Variants in CBLB observed in about 807,000 individuals in gnomAD.
CBLB encodes E3 ubiquitin-protein ligase CBL-B.
CBLB carries 31 observed loss-of-function variants against 104.9 expected under a neutral mutation model. The ratio of observed to expected loss-of-function variants is 0.30; its 90% CI spans 0.22 to 0.40. CBLB has a LOEUF of 0.40. CBLB is among the 10% of genes least tolerant of loss of function. The pLI, the probability that CBLB is intolerant of heterozygous loss-of-function variation, is 1.00. For synonymous variants in CBLB, 440 were observed against 422.6 expected, an observed-to-expected ratio of 1.04 and a Z score of -0.51; for missense variants, 1,062 against 1,214.6, an observed-to-expected ratio of 0.87 and a Z score of 1.87.
At chr3:105,859,235 TA>T (rs1248023317) in intron 2 of CBLB, among the ~76,000 whole-genome samples, 1 of 152,166 alleles carries the variant, frequency 6.6e-6, no homozygotes, top group Non-Finnish European at 1.5e-5. Context: ...ATTTCAACAG[TA>T]AGGAATTGTG....
intron 3 of CBLB, among the ~76,000 whole-genome samples, chr3:105,850,094 C>T (rs1319911253): frequency 3.3e-5 from 5 of 152,032 alleles, no homozygotes; most frequent in Admixed American, 6.6e-5. Context: ...ATTCACCACC[C>T]TCAAGATGAA....
chr3:105,764,850 G>T (rs1446744730), intron 4 of CBLB, among the ~76,000 whole-genome samples: 1 of 152,228 alleles, frequency 6.6e-6, no homozygotes, highest in Non-Finnish European at 1.5e-5. Context: ...CCTTACTGGT[G>T]ATATGGAGAA....
At chr3:105,843,577 T>C (rs2089847634) in intron 3 of CBLB, among the ~76,000 whole-genome samples, 2 of 152,282 alleles carry the variant, frequency 1.3e-5, no homozygotes, top group African/African-American at 2.4e-5. Flanking sequence ...TGGCACTTTA[T>C]ACATTAAAAT....
chr3:105,772,640 A>G (rs1041391403), intron 4 of CBLB, among the ~76,000 whole-genome samples: 1 of 152,222 alleles, frequency 6.6e-6, no homozygotes, highest in Non-Finnish European at 1.5e-5. Context: ...TAGTATCTAG[A>G]ATCTACAAGG....
At chr3:105,797,828 C>T (rs2082406758) in intron 3 of CBLB, among the ~76,000 whole-genome samples, 1 of 152,210 alleles carries the variant, frequency 6.6e-6, no homozygotes, top group South Asian at 2.1e-4. Context: ...ATTTCTCTTC[C>T]ATGAGCATCC....
chr3:105,708,242 TAACA>T (rs1303317145), intron 10 of CBLB, among the ~76,000 whole-genome samples: 5 of 152,040 alleles, frequency 3.3e-5, no homozygotes, highest in Admixed American at 2.6e-4. Context: ...AAAACAATAA[TAACA>T]AACAAACATA....
chr3:105,767,893 C>A (rs1404796181), intron 4 of CBLB, among the ~76,000 whole-genome samples: 1 of 152,140 alleles, frequency 6.6e-6, no homozygotes, highest in Non-Finnish European at 1.5e-5. Context: ...AGAACCTGTC[C>A]AGGGACAGAT....
chr3:105,664,647 T>A (rs977504222), intron 18 of CBLB, among the ~76,000 whole-genome samples: 9 of 152,158 alleles, frequency 5.9e-5, no homozygotes, highest in African/African-American at 2.2e-4. Context: ...CAAAATAGTC[T>A]CAGATCTCCT....
intron 2 of CBLB, among the ~76,000 whole-genome samples, chr3:105,854,813 A>G (rs1188808574): frequency 6.6e-6 from 1 of 151,928 alleles, no homozygotes; most frequent in Non-Finnish European, 1.5e-5. Context: ...TTATATTTTT[A>G]GTAGAGACGG....
chr3:105,686,139 G>C lies in CBLB; in HGVS notation c.2055-673C>G, dbSNP rs193032212. Among the ~76,000 whole-genome samples the C allele has an allele frequency of 1.5e-3, 235 of 152,268 alleles. 2 individuals carry two copies. Among genetic ancestry groups the C allele is most frequent in the South Asian group, 3.1e-3 (15 of 4,826 alleles). ...TGGCTAAATAAAAGAGAATTAAAAT[G>C]AGTAAAACCATCACCTAATATCAAA... On this transcript the variant is annotated intron_variant, in intron 13 of 18. Transcript: ENST00000394030.
At chr3:105,686,574 ATTAG>A (rs976273673) in intron 13 of CBLB, among the ~76,000 whole-genome samples, 1 of 152,068 alleles carries the variant, frequency 6.6e-6, no homozygotes, top group Non-Finnish European at 1.5e-5. Flanking sequence ...ATTTCTTTTT[ATTAG>A]TTAGAACAGA....
chr3:105,765,413 C>T (rs2078112451), intron 4 of CBLB, among the ~76,000 whole-genome samples: 1 of 152,128 alleles, frequency 6.6e-6, no homozygotes, highest in East Asian at 1.9e-4. Context: ...AGATGTTTGG[C>T]CATCTGTAAA....
At chr3:105,779,044 T>C (rs918412553) in intron 3 of CBLB, among the ~76,000 whole-genome samples, 2 of 152,186 alleles carry the variant, frequency 1.3e-5, no homozygotes, top group African/African-American at 2.4e-5. Flanking sequence ...AATTGATACA[T>C]ACAAAAGAAA....
chr3:105,663,950 T>A (rs1444805275), intron 18 of CBLB, among the ~76,000 whole-genome samples: 2 of 147,466 alleles, frequency 1.4e-5, no homozygotes, highest in Non-Finnish European at 3.0e-5. Context: ...CAGACCATAT[T>A]TTTTTTTTTT....
chr3:105,660,076 G>C (rs1405995335), intron 18 of CBLB, among the ~76,000 whole-genome samples: 1 of 152,066 alleles, frequency 6.6e-6, no homozygotes, highest in Admixed American at 6.6e-5. Flanking sequence ...AAAAAGAAAA[G>C]GTCCCAGGTC....
intron 10 of CBLB, among the ~76,000 whole-genome samples, chr3:105,707,641 G>A (rs943423909): frequency 2.6e-5 from 4 of 152,072 alleles, no homozygotes; most frequent in Admixed American, 1.3e-4. Flanking sequence ...AGTAGGTAAT[G>A]TTCATATAGA....
At chr3:105,731,244 C>G (rs772788632) in intron 9 of CBLB, among the ~76,000 whole-genome samples, 14 of 152,118 alleles carry the variant, frequency 9.2e-5, no homozygotes, top group Admixed American at 4.6e-4. Flanking sequence ...CATAATGAAC[C>G]TACTGCAAAT....
At chr3:105,749,722 T>A (rs1488248288) in intron 5 of CBLB, 6 of 290,574 alleles carry the variant, frequency 2.1e-5, no homozygotes, top group African/African-American at 9.2e-5. Flanking sequence ...AATGTCTTTG[T>A]ATCATGTTAA....
rs187934403 is a variant in CBLB at position 105,733,524 on chromosome 3, G to C, written c.1203+485C>G. Among the ~76,000 whole-genome samples the C allele has an allele frequency of 1.9e-3, 293 of 152,280 alleles. 3 individuals are homozygous for C. Among genetic ancestry groups the C allele is most frequent in the African/African-American group, 6.5e-3 (269 of 41,554 alleles). ...GGAACTTTAATGCCTGTTTCTGTGG[G>C]AACTATAAGTGTTTGAGAGATACTT... is the stretch of plus-strand genomic sequence containing the variant. On this transcript the variant is annotated intron_variant, in intron 9 of 18. Transcript: ENST00000394030.
Sources: gnomAD v4.1 joint callset for allele counts (sites outside exome capture counted in the v4.1 genomes callset) on GRCh38, gnomAD v4.1.1 for gene constraint, MANE v1.5 for transcripts, NCBI Gene and HGNC (gene_info 2026-07-23, HGNC 2026-07-21) for gene names.